Variants in CSGALNACT1 observed in about 807,000 individuals in gnomAD.
The protein encoded by CSGALNACT1 is chondroitin sulfate N-acetylgalactosaminyltransferase 1, also known as beta4GalNAcT-1.
In CSGALNACT1, 52 loss-of-function variants were observed where a neutral mutation model predicts 51.0. That is an observed-to-expected ratio of 1.02 (90% CI 0.82 to 1.29). CSGALNACT1 has a LOEUF of 1.29. CSGALNACT1 is among the 50% of genes most tolerant of loss of function. CSGALNACT1 has a pLI of 0.00. For synonymous variants in CSGALNACT1, 341 were observed against 254.4 expected (o/e 1.34, Z -3.24); for missense variants, 935 against 679.2 (o/e 1.38, Z -4.19).
chr8:19,408,698 C>G lies in CSGALNACT1; in HGVS notation c.1228-4G>C, dbSNP rs1291344667. 2 of 1,613,380 alleles carry G rather than the reference C, an allele frequency of 1.2e-6. No individual in the cohort carries two copies. The highest frequency in any genetic ancestry group is 1.7e-6 in the Non-Finnish European group (2 of 1,179,744). On this transcript the variant is annotated splice_polypyrimidine_tract_variant and splice_region_variant and intron_variant, in intron 8 of 9. Coordinates refer to ENST00000454498, the Ensembl canonical transcript of CSGALNACT1. ...ATCCAGTTTCCTTCTTTATGACCTGCAAGAAAAGCACTGTCATTTGAGGGG... is the reference window on the plus strand; with the variant it reads ...ATCCAGTTTCCTTCTTTATGACCTGGAAGAAAAGCACTGTCATTTGAGGGG...
upstream of CSGALNACT1, chr8:19,682,991 C>T (rs774486647): frequency 2.1e-5 from 6 of 284,004 alleles, no homozygotes; most frequent in East Asian, 8.6e-5. Context: ...GCAGGTAGAA[C>T]GAGTTCACCC....
At position 19,692,416 on chromosome 8, in the gene CSGALNACT1, G is replaced by A. The variant is rs183108254; in HGVS notation, c.-297+65434C>T. On this transcript the variant is annotated intron_variant, in intron 1 of 1. Transcript: ENST00000517494. Reference sequence around the variant, plus strand: ...GTAACAAATAGCTCCTCCCTTCTCTGCAATGAAGATAACACAATGTTCTAC... The same window carrying A: ...GTAACAAATAGCTCCTCCCTTCTCTACAATGAAGATAACACAATGTTCTAC... Among the ~76,000 whole-genome samples the A allele has an allele frequency of 7.3e-4, 111 of 152,288 alleles. 1 individual carries two copies. Among genetic ancestry groups the A allele is most frequent in the African/African-American group, 2.5e-3 (103 of 41,554 alleles).
intron 3 of CSGALNACT1, among the ~76,000 whole-genome samples, chr8:19,568,061 C>T (rs1262528599): frequency 6.6e-6 from 1 of 152,134 alleles, no homozygotes; most frequent in African/African-American, 2.4e-5. Flanking sequence ...AATCATCCAC[C>T]ATATGTTTTC....
chr8:19,508,234 T>G (rs1432565445), intron 3 of CSGALNACT1, among the ~76,000 whole-genome samples: 1 of 152,210 alleles, frequency 6.6e-6, no homozygotes, highest in Admixed American at 6.5e-5. Context: ...CTCCTTTACT[T>G]GAATATTCAC....
At chr8:19,433,588 A>T (rs559867229) in intron 6 of CSGALNACT1, among the ~76,000 whole-genome samples, 1 of 152,208 alleles carries the variant, frequency 6.6e-6, no homozygotes, top group African/African-American at 2.4e-5. Flanking sequence ...TACTTTCTGC[A>T]TTGGAAGAGC....
At chr8:19,728,363 A>G (rs986803446) in intron 1 of CSGALNACT1, among the ~76,000 whole-genome samples, 11 of 152,230 alleles carry the variant, frequency 7.2e-5, no homozygotes, top group African/African-American at 2.4e-4. Flanking sequence ...TAAAAAGTGA[A>G]TAAGAATGCA....
At chr8:19,430,156 G>A (rs969615263) in intron 6 of CSGALNACT1, among the ~76,000 whole-genome samples, 1 of 152,126 alleles carries the variant, frequency 6.6e-6, no homozygotes, top group African/African-American at 2.4e-5. Flanking sequence ...CATTATATAA[G>A]CTGTCTTTTC....
chr8:19,404,330 A>G, exon 10 of CSGALNACT1: 1 of 453,804 alleles, frequency 2.2e-6, no homozygotes, highest in Non-Finnish European at 4.4e-6. Flanking sequence ...TACTGTGAGC[A>G]AACAGAAGCA....
At chr8:19,405,167 A>C (rs763251077) in exon 10 of CSGALNACT1, 15 of 447,236 alleles carry the variant, frequency 3.4e-5, no homozygotes, top group South Asian at 1.9e-4. Context: ...TAAATAAAAG[A>C]AAAAAACGGA....
intron 1 of CSGALNACT1, among the ~76,000 whole-genome samples, chr8:19,657,118 T>C (rs2058350414): frequency 6.8e-6 from 1 of 146,208 alleles, no homozygotes. Context: ...TAAGTAAAAC[T>C]TAAAACAAAG....
At chr8:19,484,494 A>G (rs889228932) in intron 4 of CSGALNACT1, among the ~76,000 whole-genome samples, 1 of 152,228 alleles carries the variant, frequency 6.6e-6, no homozygotes, top group Admixed American at 6.5e-5. Context: ...GGGAGGCCTC[A>G]CAATCACGGC....
chr8:19,541,453 T>C (rs6984607), intron 3 of CSGALNACT1, among the ~76,000 whole-genome samples: 75,097 of 150,022 alleles, frequency 0.5, 20,167 homozygotes, highest in African/African-American at 0.72. Context: ...GGGGTTTCAC[T>C]ATGTTAGCCA....
intron 1 of CSGALNACT1, among the ~76,000 whole-genome samples, chr8:19,655,510 C>T (rs1420603393): frequency 6.6e-6 from 1 of 151,398 alleles, no homozygotes; most frequent in Admixed American, 6.6e-5. Flanking sequence ...AAGGCATGTG[C>T]CACCATTCCC....
intron 3 of CSGALNACT1, among the ~76,000 whole-genome samples, chr8:19,581,016 A>T (rs2045447357): frequency 1.3e-5 from 2 of 152,226 alleles, no homozygotes; most frequent in African/African-American, 4.8e-5. Flanking sequence ...TTAAGACAGG[A>T]AAAAGTAATG....
chr8:19,567,872 G>A (rs1216132954), intron 3 of CSGALNACT1, among the ~76,000 whole-genome samples: 1 of 152,032 alleles, frequency 6.6e-6, no homozygotes, highest in African/African-American at 2.4e-5. Context: ...AAAATGAAAT[G>A]TTAAAAAGAT....
At chr8:19,689,392 G>T (rs1470815211) in intron 1 of CSGALNACT1, among the ~76,000 whole-genome samples, 2 of 152,136 alleles carry the variant, frequency 1.3e-5, no homozygotes, top group South Asian at 2.1e-4. Context: ...CTTGAAAGAG[G>T]ATTCTCCAGC....
At chr8:19,485,889 C>T (rs138143992) in intron 4 of CSGALNACT1, among the ~76,000 whole-genome samples, 25 of 148,612 alleles carry the variant, frequency 1.7e-4, no homozygotes, top group African/African-American at 5.9e-4. Context: ...GCCTCAACTT[C>T]CCAAGTAGCT....
chr8:19,677,771 C>A (rs1041696871), intron 1 of CSGALNACT1, among the ~76,000 whole-genome samples: 1 of 152,100 alleles, frequency 6.6e-6, no homozygotes, highest in Non-Finnish European at 1.5e-5. Flanking sequence ...AAAGGTAAAG[C>A]CAGAGAGTTT....
intron 4 of CSGALNACT1, among the ~76,000 whole-genome samples, chr8:19,479,288 G>T (rs931930132): frequency 6.6e-6 from 1 of 152,146 alleles, no homozygotes; most frequent in Non-Finnish European, 1.5e-5. Context: ...CAGCTATAAA[G>T]AAACACACTC....
Sources: gnomAD v4.1 joint callset for allele counts (sites outside exome capture counted in the v4.1 genomes callset) on GRCh38, gnomAD v4.1.1 for gene constraint, MANE v1.5 for transcripts, NCBI Gene and HGNC (gene_info 2026-07-23, HGNC 2026-07-21) for gene names.